Variants in SELENOP observed in about 807,000 individuals in gnomAD.
The protein encoded by SELENOP is selenoprotein P.
A neutral mutation model predicts 41.0 loss-of-function variants in SELENOP; 36 were observed. The ratio of observed to expected loss-of-function variants is 0.88; its 90% CI spans 0.67 to 1.16. SELENOP has a LOEUF of 1.16. Ranked by LOEUF, SELENOP falls within the 50% of genes most tolerant of loss-of-function variation. The pLI is 0.00. For synonymous variants in SELENOP, 144 were observed against 150.8 expected (o/e 0.95, Z 0.33); for missense variants, 440 against 454.2 (o/e 0.97, Z 0.28).
intron 3 of SELENOP, 51 bp from the exon 4 acceptor site, chr5:42,804,824 T>A (rs1382665942): frequency 8.5e-7 from 1 of 1,180,450 alleles, no homozygotes; most frequent in African/African-American, 1.5e-5. Context: ...TGTATCACGA[T>A]CCTACTCAAA....
intron 4 of SELENOP, among the ~76,000 whole-genome samples, 178 bp downstream of exon 4, chr5:42,804,478 T>TAATA (rs28919905): frequency 0.25 from 37,632 of 151,554 alleles, 5,044 homozygotes; most frequent in African/African-American, 0.32. Context: ...ATAGTAATAG[T>TAATA]AATAAATAAA....
Position 42,800,734 on chromosome 5 carries a change from A to G in SELENOP, c.1132T>C (p.Sec378Arg). ...RUKNQAKKUE[U>R]PSN ...ATTTTAAATATTTAGTTTGAAGGTC[A>G]TTCTCACTTTTTTGCCTGATTCTTT... The change falls in exon 5 of 5, where the codon TGA (selenocysteine) becomes CGA (arginine). Residue 378 changes from selenocysteine to arginine, a missense_variant. Transcript: ENST00000514985. 1 of 1,604,888 alleles carries G rather than the reference A, an allele frequency of 6.2e-7. No homozygotes were observed. The highest frequency in any genetic ancestry group is 8.5e-7 in the Non-Finnish European group (1 of 1,173,176).
Position 42,804,305 on chromosome 5 carries a change from C to CA in SELENOP, c.534+350dup, listed in dbSNP as rs28919906. ...TGAAACCCCGTCTCTACTAAAAATA[C>CA]AAAAAATTAGCTGGGAGTAGTGGCG... On this transcript the variant is annotated intron_variant, in intron 4 of 4. Transcript: ENST00000514985. Among the ~76,000 whole-genome samples, 384 of 152,150 alleles carry CA rather than the reference C, an allele frequency of 2.5e-3. 3 individuals carry two copies. The highest frequency in any genetic ancestry group is 8.9e-3 in the African/African-American group (370 of 41,520).
At chr5:42,808,935 A>G (rs1362712959) in intron 1 of SELENOP, among the ~76,000 whole-genome samples, 5 of 151,834 alleles carry the variant, frequency 3.3e-5, no homozygotes, top group Admixed American at 3.3e-4. Flanking sequence ...AAAAAAAACA[A>G]AAGAAGAAGA....
intron 3 of SELENOP, 78 bp downstream of exon 3, chr5:42,806,816 TTA>T: frequency 4.2e-6 from 3 of 713,342 alleles, no homozygotes; most frequent in Non-Finnish European, 7.1e-6. Context: ...AAGAAGATTG[TTA>T]TGTGTGATGG....
At position 42,807,023 on chromosome 5, in the gene SELENOP, G is replaced by A. The variant is rs758347599; in HGVS notation, c.289C>T (p.Arg97Ter). 27 of 1,583,536 alleles carry A rather than the reference G, an allele frequency of 1.7e-5. No individual in the cohort carries two copies. The Admixed American group carries it at 2.7e-4, about 16-fold the overall frequency. ...TTCTTAAGATGTGTGTATTTTAATC[G>A]AGAAGAGATTCCTTGATGATTAACA... ...IVVNHQGISS[R>*]LKYTHLKNKV... Residue 97 changes from arginine (R) to a stop codon, truncating the protein, a stop_gained, in exon 3 of 5, where the codon CGA becomes TGA. Transcript: ENST00000514985. LOFTEE classifies it high-confidence loss of function.
intron 4 of SELENOP, among the ~76,000 whole-genome samples, chr5:42,804,173 G>C (rs997937546): frequency 6.6e-6 from 1 of 152,172 alleles, no homozygotes; most frequent in Non-Finnish European, 1.5e-5. Context: ...TTTTAAACTA[G>C]AGGTTAGGCC....
intron 4 of SELENOP, among the ~76,000 whole-genome samples, chr5:42,803,975 G>A (rs190746528): frequency 6.6e-6 from 1 of 152,134 alleles, no homozygotes; most frequent in African/African-American, 2.4e-5. Context: ...GGTAAGCTTT[G>A]CTATTTTTAT....
chr5:42,803,248 G>C (rs1413319315), intron 4 of SELENOP, among the ~76,000 whole-genome samples: 3 of 151,900 alleles, frequency 2.0e-5, no homozygotes, highest in Admixed American at 2.0e-4. Context: ...ATATAACTGG[G>C]TATATTTATA....
At position 42,801,166 on chromosome 5, in the gene SELENOP, C is replaced by A. The variant is rs3877899; in HGVS notation, c.700G>T (p.Ala234Ser). The A allele has an allele frequency of 6.2e-7, 1 of 1,613,856 alleles. No homozygotes were observed. The highest frequency in any genetic ancestry group is 8.5e-7 in the Non-Finnish European group (1 of 1,179,968). The change falls in exon 5 of 5, where the codon GCT becomes TCT. Residue 234 changes from alanine to serine, a missense_variant. Ala to Ser is a moderately conservative substitution (Grantham distance 99). Transcript: ENST00000514985. ...CCTGGAGGAGCAGGATGAGTAGGAG[C>A]ATTTGGTGCTCCTGGTTGCTGATTC... ...SENQQPGAPN[A>S]PTHPAPPGLH...
Position 42,807,106 on chromosome 5 carries a change from A to C in SELENOP, c.206T>G (p.Leu69Ter), listed in dbSNP as rs746290966. Residue 69 changes from leucine (L) to a stop codon, truncating the protein, a stop_gained and splice_region_variant, in exon 3 of 5, where the codon TTA becomes TGA. Transcript: ENST00000514985. LOFTEE classifies it high-confidence loss of function. Reference sequence around the variant, plus strand: ...CTTCAGTTTTACTCGCAGGTCTTCTAATCTAAAATATTTGGGAAGAAATAC... The same window carrying C: ...CTTCAGTTTTACTCGCAGGTCTTCTCATCTAAAATATTTGGGAAGAAATAC... ...UYLCILQASK[L>*]EDLRVKLKKE... is the part of the protein sequence containing the mutation. 2.9e-6 allele frequency: 4 copies of C among 1,399,608 alleles called. No individual in the cohort carries two copies. Among genetic ancestry groups the C allele is most frequent in the East Asian group, 4.6e-5 (2 of 43,282 alleles). The allele number at this position is 1,399,608 out of a possible 1,614,324, so 86.7% of individuals were successfully genotyped here. A position where few individuals can be genotyped will look rare whatever the true frequency, so the allele number is the denominator to read the frequency against.
intron 4 of SELENOP, chr5:42,802,174 G>A (rs988267195): frequency 6.6e-6 from 1 of 152,048 alleles, no homozygotes; most frequent in African/African-American, 2.4e-5. Context: ...GCAAATTACT[G>A]CCCGACTCCC....
intron 4 of SELENOP, 188 bp from the exon 5 acceptor site, chr5:42,801,519 A>G (rs1395881699): frequency 1.9e-6 from 1 of 537,376 alleles, no homozygotes; most frequent in Non-Finnish European, 3.2e-6. Context: ...AAAGGCTTAA[A>G]AAGAAAGCCA....
At position 42,803,376 on chromosome 5, in the gene SELENOP, A is replaced by G. The variant is rs542727967; in HGVS notation, c.534+1280T>C. Reference sequence around the variant, plus strand: ...GTTGAGTTAGTACTTTTCTTTCATTACTCTTAGTATTTTCTTCCATTACCT... The same window carrying G: ...GTTGAGTTAGTACTTTTCTTTCATTGCTCTTAGTATTTTCTTCCATTACCT... On this transcript the variant is annotated intron_variant, in intron 4 of 4. Coordinates refer to ENST00000514985, the MANE Select transcript of SELENOP (RefSeq NM_005410.4). Among the ~76,000 whole-genome samples the G allele has an allele frequency of 2.0e-5, 3 of 152,234 alleles. No individual in the cohort carries two copies. In the South Asian group the frequency reaches 6.2e-4, roughly 32 times the overall value.
At chr5:42,803,197 C>T (rs577558977) in intron 4 of SELENOP, among the ~76,000 whole-genome samples, 3 of 152,204 alleles carry the variant, frequency 2.0e-5, no homozygotes, top group Middle Eastern at 3.4e-3. Flanking sequence ...ATGATTCACA[C>T]ATTTTAAGCA....
At chr5:42,808,431 T>C (rs1760386444) in intron 1 of SELENOP, 65 bp from the exon 2 acceptor site, 1 of 541,932 alleles carries the variant, frequency 1.8e-6, no homozygotes, top group Non-Finnish European at 2.9e-6. Context: ...TATGAATTTC[T>C]ATAAATCCTG....
In SELENOP at chr5:42,799,937, G is replaced by A; in HGVS notation, c.*783C>T. ...ACAAATCCGTACTGTATCCAATTCT[G>A]TACTGCATTCTTGCTTAATAGTATT... On this transcript the variant is annotated 3_prime_UTR_variant, in exon 5 of 5. Coordinates refer to ENST00000514985, the MANE Select transcript of SELENOP (RefSeq NM_005410.4). 1.2e-6 allele frequency: 1 copy of A among 803,824 alleles called. No individual in the cohort carries two copies. The highest frequency in any genetic ancestry group is 1.9e-6 in the Non-Finnish European group (1 of 519,206). 49.8% of individuals were successfully genotyped at this position (803,824 alleles called of 1,614,324 possible).
intron 1 of SELENOP, chr5:42,809,861 C>T (rs542690289): frequency 9.0e-5 from 29 of 321,608 alleles, no homozygotes; most frequent in African/African-American, 6.4e-4. Flanking sequence ...ACTCCAACTA[C>T]TTATTTTAAT....
At chr5:42,804,359 A>G (rs1026374770) in intron 4 of SELENOP, among the ~76,000 whole-genome samples, 2 of 152,042 alleles carry the variant, frequency 1.3e-5, no homozygotes, top group Non-Finnish European at 1.5e-5. Context: ...TACTCGGGAG[A>G]CTGAGGCAGG....
Sources: gnomAD v4.1 joint callset for allele counts (sites outside exome capture counted in the v4.1 genomes callset) on GRCh38, gnomAD v4.1.1 for gene constraint, MANE v1.5 for transcripts, NCBI Gene and HGNC (gene_info 2026-07-23, HGNC 2026-07-21) for gene names.